The following DLGAP1 variants were observed in gnomAD, a reference collection of about 807,000 sequenced individuals.
The protein encoded by DLGAP1 is DLG associated protein 1.
DLGAP1 carries 11 observed loss-of-function variants against 90.8 expected under a neutral mutation model. The ratio of observed to expected loss-of-function variants is 0.12; its 90% CI spans 0.08 to 0.20. The LOEUF is 0.20. Among genes scored for constraint, DLGAP1 ranks in the 10% least tolerant of loss-of-function variants. The probability of loss-of-function intolerance (pLI) is 1.00; values close to 1 mark genes in which losing one functional copy is unlikely to be tolerated. For synonymous variants in DLGAP1, 558 were observed against 540.7 expected (o/e 1.03, Z -0.44); for missense variants, 1,050 against 1,333.8 (o/e 0.79, Z 3.31).
intron 1 of DLGAP1, among the ~76,000 whole-genome samples, chr18:4,283,139 A>G (rs2079594131): frequency 6.6e-6 from 1 of 152,240 alleles, no homozygotes; most frequent in Non-Finnish European, 1.5e-5. Context: ...GAAGAACTGA[A>G]GTAATGAATG....
chr18:3,888,998 G>GTTACCTTAA (rs2071392673), intron 3 of DLGAP1, among the ~76,000 whole-genome samples: 1 of 152,140 alleles, frequency 6.6e-6, no homozygotes, highest in African/African-American at 2.4e-5. Context: ...ACCTTAACCA[G>GTTACCTTAA]CCATGGACAG....
At chr18:3,802,273 G>A (rs1430205098) in intron 5 of DLGAP1, among the ~76,000 whole-genome samples, 8 of 145,120 alleles carry the variant, frequency 5.5e-5, no homozygotes, top group East Asian at 2.2e-4. Context: ...ATGAGCCACC[G>A]ACCCCGCCAC....
chr18:4,270,354 C>G (rs2079248837), intron 1 of DLGAP1, among the ~76,000 whole-genome samples: 1 of 152,176 alleles, frequency 6.6e-6, no homozygotes, highest in Non-Finnish European at 1.5e-5. Flanking sequence ...CAACATTTCT[C>G]CTTCCAGCTC....
At chr18:3,952,248 C>T (rs1227070706) in intron 3 of DLGAP1, among the ~76,000 whole-genome samples, 2 of 152,082 alleles carry the variant, frequency 1.3e-5, no homozygotes, top group Admixed American at 1.3e-4. Flanking sequence ...TTTTTTACTG[C>T]TTTTATCTTT....
At chr18:3,873,446 A>G (rs963086450) in intron 4 of DLGAP1, among the ~76,000 whole-genome samples, 1 of 152,186 alleles carries the variant, frequency 6.6e-6, no homozygotes, top group African/African-American at 2.4e-5. Context: ...ATCATCAATG[A>G]ATGTGGTGGA....
At chr18:4,023,245 AT>A (rs957573632) in intron 2 of DLGAP1, among the ~76,000 whole-genome samples, 7 of 151,764 alleles carry the variant, frequency 4.6e-5, no homozygotes, top group Admixed American at 1.3e-4. Context: ...GACATTGCTT[AT>A]TTTTTTTCTT....
At chr18:4,066,417 G>T (rs147905306) in intron 2 of DLGAP1, among the ~76,000 whole-genome samples, 1 of 152,010 alleles carries the variant, frequency 6.6e-6, no homozygotes, top group Non-Finnish European at 1.5e-5. Context: ...GAAAAGTTTC[G>T]CAATCTATGC....
chr18:4,102,215 C>G (rs569965514), intron 2 of DLGAP1, among the ~76,000 whole-genome samples: 1 of 152,298 alleles, frequency 6.6e-6, no homozygotes, highest in Non-Finnish European at 1.5e-5. Context: ...CTCTGTCATT[C>G]TGGTGATTAA....
At chr18:4,003,838 A>G (rs148131521) in intron 3 of DLGAP1, among the ~76,000 whole-genome samples, 64 of 152,330 alleles carry the variant, frequency 4.2e-4, no homozygotes, top group African/African-American at 1.5e-3. Context: ...AATGCTCTAT[A>G]TGAATGCCAG....
intron 7 of DLGAP1, among the ~76,000 whole-genome samples, chr18:3,704,249 G>C (rs1300368266): frequency 6.6e-6 from 1 of 152,186 alleles, no homozygotes; most frequent in African/African-American, 2.4e-5. Flanking sequence ...GTGTTGCAGG[G>C]AGAGGTGGCA....
chr18:4,220,520 C>G (rs2078052956), intron 1 of DLGAP1, among the ~76,000 whole-genome samples: 1 of 152,052 alleles, frequency 6.6e-6, no homozygotes, highest in Non-Finnish European at 1.5e-5. Context: ...ATCAAATGGC[C>G]CTCAGGACGG....
intron 1 of DLGAP1, among the ~76,000 whole-genome samples, chr18:4,265,269 C>T (rs972424506): frequency 2.6e-5 from 4 of 151,778 alleles, no homozygotes; most frequent in South Asian, 2.1e-4. Flanking sequence ...CCCAGGTTCA[C>T]GCCATTCTCC....
rs2143542232 is a variant in DLGAP1 at position 3,499,090 on chromosome 18, G to A, written c.*95C>T. 4 of 1,170,356 alleles carry A rather than the reference G, an allele frequency of 3.4e-6. No individual in the cohort carries two copies. Among genetic ancestry groups the A allele is most frequent in the Non-Finnish European group, 3.5e-6 (3 of 868,702 alleles). 72.5% of individuals were successfully genotyped at this position (1,170,356 alleles called of 1,614,324 possible). A position where few individuals can be genotyped will look rare whatever the true frequency, so the allele number is the denominator to read the frequency against. On this transcript the variant is annotated 3_prime_UTR_variant, in exon 13 of 13. Transcript: ENST00000315677. The surrounding 1 kb of genome is among the most constrained non-coding windows in gnomAD (Gnocchi z 6.4). Reference sequence around the variant, plus strand: ...ACAGTGGAAGTCACCGAGCTCGGGAGCGGACGGGCTCGGAGGGGGAGAGGC... The same window carrying A: ...ACAGTGGAAGTCACCGAGCTCGGGAACGGACGGGCTCGGAGGGGGAGAGGC...
At chr18:4,304,863 G>A (rs1415195073) in intron 1 of DLGAP1, among the ~76,000 whole-genome samples, 1 of 151,822 alleles carries the variant, frequency 6.6e-6, no homozygotes, top group African/African-American at 2.4e-5. Flanking sequence ...CCCAGGAGGC[G>A]GAGGTTGCAG....
intron 1 of DLGAP1, among the ~76,000 whole-genome samples, chr18:4,172,702 CT>C (rs1307861818): frequency 6.6e-6 from 1 of 152,212 alleles, no homozygotes; most frequent in Non-Finnish European, 1.5e-5. Context: ...AGCAACAGAG[CT>C]GATGGCATAG....
At chr18:3,673,198 T>C (rs2060162374) in intron 7 of DLGAP1, among the ~76,000 whole-genome samples, 1 of 152,150 alleles carries the variant, frequency 6.6e-6, no homozygotes, top group Non-Finnish European at 1.5e-5. Flanking sequence ...CCCTCCCCAG[T>C]TTCTTTTCAC....
chr18:4,343,710 G>A (rs1271067080), intron 1 of DLGAP1, among the ~76,000 whole-genome samples: 1 of 152,104 alleles, frequency 6.6e-6, no homozygotes, highest in Non-Finnish European at 1.5e-5. Context: ...ATGACGGGTT[G>A]ATGGGTACAG....
chr18:3,999,468 A>G (rs569460887), intron 3 of DLGAP1, among the ~76,000 whole-genome samples: 258 of 152,274 alleles, frequency 1.7e-3, no homozygotes, highest in Non-Finnish European at 2.7e-3. Context: ...GCATGCAAAC[A>G]TCGTCACATC....
chr18:3,778,486 G>A (rs1450274052), intron 5 of DLGAP1, among the ~76,000 whole-genome samples: 1 of 152,056 alleles, frequency 6.6e-6, no homozygotes, highest in Non-Finnish European at 1.5e-5. Flanking sequence ...CTGATATGAG[G>A]AAGATAAGAC....
Sources: gnomAD v4.1 joint callset for allele counts (sites outside exome capture counted in the v4.1 genomes callset) on GRCh38, gnomAD v4.1.1 for gene constraint, Gnocchi (gnomAD v3.1) non-coding constraint, MANE v1.5 for transcripts, NCBI Gene and HGNC (gene_info 2026-07-23, HGNC 2026-07-21) for gene names.